MARCHF1: variants seen among roughly 807,000 people sequenced by gnomAD.
The protein encoded by MARCHF1 is membrane associated ring-CH-type finger 1.
A neutral mutation model predicts 54.2 loss-of-function variants in MARCHF1; 40 were observed. That is an observed-to-expected ratio of 0.74 (90% CI 0.57 to 0.96). The LOEUF (loss-of-function observed/expected upper bound fraction) is 0.96, where lower values mean the gene tolerates loss of function less well. Ranked by LOEUF, MARCHF1 falls within the 40% of genes least tolerant of loss-of-function variation. The pLI is 0.00. For synonymous variants in MARCHF1, 236 were observed against 236.3 expected, an observed-to-expected ratio of 1.00 and a Z score of 0.01; for missense variants, 586 against 656.5, an observed-to-expected ratio of 0.89 and a Z score of 1.17.
chr4:163,986,249 C>CATTTTTTTTTTTT (rs1752864138), intron 3 of MARCHF1, among the ~76,000 whole-genome samples: 1 of 28,830 alleles, frequency 3.5e-5, no homozygotes, highest in Non-Finnish European at 7.7e-5. Flanking sequence ...TTAACCTCTT[C>CATTTTTTTTTTTT]TTTTTTTTTT....
At chr4:163,892,340 C>A (rs912509865) in intron 3 of MARCHF1, among the ~76,000 whole-genome samples, 1 of 151,932 alleles carries the variant, frequency 6.6e-6, no homozygotes, top group Non-Finnish European at 1.5e-5. Flanking sequence ...ATATTCAGAA[C>A]ATCTAAGAGT....
At chr4:163,685,158 A>G (rs904581455) in intron 5 of MARCHF1, among the ~76,000 whole-genome samples, 4 of 152,218 alleles carry the variant, frequency 2.6e-5, no homozygotes, top group African/African-American at 9.6e-5. Flanking sequence ...CTTCATTAAA[A>G]ATCGTTTTAT....
chr4:163,588,495 T>C (rs1043437008), intron 7 of MARCHF1, among the ~76,000 whole-genome samples: 2 of 152,160 alleles, frequency 1.3e-5, no homozygotes, highest in Non-Finnish European at 2.9e-5. Flanking sequence ...CTAATTAAGT[T>C]GTAATATTTA....
chr4:164,210,668 C>T (rs1731738385), intron 1 of MARCHF1, among the ~76,000 whole-genome samples: 1 of 151,986 alleles, frequency 6.6e-6, no homozygotes, highest in Admixed American at 6.6e-5. Flanking sequence ...TTAAGGACCT[C>T]AATATGTAGG....
rs1429464137 is a variant in MARCHF1 at position 164,213,425 on chromosome 4, C to T, written c.-322-101763G>A. Reference sequence around the variant, plus strand: ...AATTTTTGTATTTTTTTAGTAGAGACGGGGTTTCACCGTGTTAGCCAGGAT... The same window carrying T: ...AATTTTTGTATTTTTTTAGTAGAGATGGGGTTTCACCGTGTTAGCCAGGAT... On this transcript the variant is annotated intron_variant, in intron 1 of 9. Coordinates refer to ENST00000514618, the MANE Select transcript of MARCHF1 (RefSeq NM_001394959.1). 7.3e-5 allele frequency among the ~76,000 whole-genome samples: 11 copies of T among 151,632 alleles called. No homozygotes were observed. In the East Asian group the frequency reaches 1.4e-3, roughly 19 times the overall value.
intron 1 of MARCHF1, among the ~76,000 whole-genome samples, chr4:164,203,871 T>C (rs1408122762): frequency 1.3e-5 from 2 of 152,172 alleles, no homozygotes; most frequent in East Asian, 1.9e-4. Flanking sequence ...AAATGGGAAG[T>C]AACTGGGTTA....
intron 8 of MARCHF1, among the ~76,000 whole-genome samples, chr4:163,553,080 T>TA (rs76823533): frequency 0.12 from 18,193 of 151,662 alleles, 1,210 homozygotes; most frequent in East Asian, 0.35. Flanking sequence ...GTTCAAATTC[T>TA]AGCTCTGCCA....
At chr4:163,762,804 T>C (rs768343615) in intron 4 of MARCHF1, among the ~76,000 whole-genome samples, 4 of 152,136 alleles carry the variant, frequency 2.6e-5, no homozygotes, top group Non-Finnish European at 4.4e-5. Flanking sequence ...ATGGTTATTA[T>C]GAATATGATA....
At chr4:164,035,529 T>C (rs1286917233) in intron 2 of MARCHF1, among the ~76,000 whole-genome samples, 8 of 151,716 alleles carry the variant, frequency 5.3e-5, no homozygotes, top group Non-Finnish European at 1.2e-4. Flanking sequence ...TTATAAAGTA[T>C]ATTGTCTCTT....
intron 1 of MARCHF1, among the ~76,000 whole-genome samples, chr4:164,332,844 T>C (rs1729595702): frequency 2.6e-5 from 4 of 152,198 alleles, no homozygotes; most frequent in Admixed American, 2.6e-4. Context: ...GTTTATGTTA[T>C]ATAAGCTGCC....
rs571862795 is a variant in MARCHF1 at position 163,643,822 on chromosome 4, GT to G, written c.163-30430del. Among the ~76,000 whole-genome samples, 22 of 151,978 alleles carry G rather than the reference GT, an allele frequency of 1.4e-4. 1 individual carries two copies. In the South Asian group the frequency reaches 4.4e-3, roughly 30 times the overall value. ...TTGATTTTTCAAAGCAAGCTTTTAG[GT>G]TTTTTTGTTACAACAAAAAGAAAAT... On this transcript the variant is annotated intron_variant, in intron 5 of 9. Coordinates refer to ENST00000514618, the MANE Select transcript of MARCHF1 (RefSeq NM_001394959.1).
intron 2 of MARCHF1, among the ~76,000 whole-genome samples, chr4:164,072,229 C>T (rs1181904290): frequency 2.6e-5 from 4 of 152,114 alleles, no homozygotes; most frequent in Non-Finnish European, 1.5e-5. Context: ...ATATAAAAAA[C>T]ATTATAATTT....
At chr4:163,616,191 A>G (rs1299121343) in intron 5 of MARCHF1, among the ~76,000 whole-genome samples, 1 of 152,178 alleles carries the variant, frequency 6.6e-6, no homozygotes, top group Non-Finnish European at 1.5e-5. Flanking sequence ...TCAAAAGCAC[A>G]GACAACAAAA....
intron 5 of MARCHF1, among the ~76,000 whole-genome samples, chr4:163,635,370 T>A (rs1269250290): frequency 6.6e-6 from 1 of 150,616 alleles, no homozygotes; most frequent in African/African-American, 2.4e-5. Context: ...TAAAAAAAGA[T>A]AGAAGAATCA....
At chr4:163,614,586 T>C (rs998247281) in intron 5 of MARCHF1, among the ~76,000 whole-genome samples, 1 of 152,112 alleles carries the variant, frequency 6.6e-6, no homozygotes, top group Non-Finnish European at 1.5e-5. Flanking sequence ...ATCATGATTC[T>C]GAAATCCAGA....
intron 1 of MARCHF1, among the ~76,000 whole-genome samples, chr4:164,271,843 GGAT>G (rs1406979681): frequency 6.6e-6 from 1 of 151,972 alleles, no homozygotes; most frequent in African/African-American, 2.4e-5. Context: ...TTCTCTATTT[GGAT>G]GATATCATAA....
chr4:164,189,384 G>A, intron 1 of MARCHF1: 1 of 655,696 alleles, frequency 1.5e-6, no homozygotes, highest in South Asian at 1.8e-5. Context: ...ATCTGTTCTG[G>A]TCTACTATGA....
intron 2 of MARCHF1, among the ~76,000 whole-genome samples, chr4:164,036,828 TG>T (rs1353197487): frequency 2.6e-5 from 4 of 151,956 alleles, no homozygotes; most frequent in African/African-American, 9.7e-5. Flanking sequence ...CATATATTTC[TG>T]GGGTGGGGGG....
Position 164,187,110 on chromosome 4 carries a change from T to G in MARCHF1, c.-322-75448A>C, listed in dbSNP as rs114366587. 5.7e-3 allele frequency among the ~76,000 whole-genome samples: 861 copies of G among 151,662 alleles called. 6 individuals are homozygous for G. The highest frequency in any genetic ancestry group is 0.02 in the African/African-American group (814 of 41,358). On this transcript the variant is annotated intron_variant, in intron 1 of 9. Transcript: ENST00000514618. ...CTGCACACCTTTTATGGGCACCGGG[T>G]GCACTTGTGTGTTAGGGAGATAGTC... is the stretch of plus-strand genomic sequence containing the variant.
Sources: allele counts gnomAD v4.1 joint callset (sites outside exome capture counted in the v4.1 genomes callset), GRCh38; gene constraint gnomAD v4.1.1; transcripts MANE v1.5; gene names NCBI Gene and HGNC (gene_info 2026-07-23, HGNC 2026-07-21).